Variants in PCDHGA2 observed in about 807,000 individuals in gnomAD.
The protein encoded by PCDHGA2 is protocadherin gamma subfamily A, 2.
In PCDHGA2, 40 loss-of-function variants were observed where a neutral mutation model predicts 59.2. The observed-to-expected ratio is 0.68, with a 90% confidence interval of 0.52 to 0.88. The LOEUF is 0.88. Ranked by LOEUF, PCDHGA2 falls within the 40% of genes least tolerant of loss-of-function variation. The probability of loss-of-function intolerance (pLI) is 0.00; values close to 1 mark genes in which losing one functional copy is unlikely to be tolerated. For missense variants in PCDHGA2, 1,226 were observed against 1,204.0 expected (o/e 1.02, Z -0.27); for synonymous variants, 560 against 526.0 (o/e 1.06, Z -0.89).
chr5:141,415,896 AC>A, intron 1 of PCDHGA2: 1 of 882,726 alleles, frequency 1.1e-6, no homozygotes, highest in East Asian at 3.3e-5. Flanking sequence ...AATTCCTAAG[AC>A]AGACTTCCAT....
In PCDHGA2 at chr5:141,491,722, C is replaced by T. The variant is rs1276921909; in HGVS notation, c.2425-3085C>T. ...CCAGGTGAGGGGCTCGGCGCCGCCC[C>T]GGGCGACCCCTGGGGGCGGCACTGG... On this transcript the variant is annotated intron_variant, in intron 1 of 3. Coordinates refer to ENST00000394576, the MANE Select transcript of PCDHGA2 (RefSeq NM_018915.4). This position sits in a 1 kb window ranked among gnomAD's most constrained non-coding sequence, Gnocchi z 6.9. The T allele has an allele frequency of 6.2e-7, 1 of 1,607,004 alleles. No homozygotes were observed.
intron 2 of PCDHGA2, among the ~76,000 whole-genome samples, chr5:141,498,004 G>C (rs1385457484): frequency 6.6e-6 from 1 of 152,316 alleles, no homozygotes; most frequent in African/African-American, 2.4e-5. Flanking sequence ...GGAGTTTACA[G>C]TGCACTGAAG....
chr5:141,344,277 G>A (rs749119321), intron 1 of PCDHGA2: 5 of 1,614,090 alleles, frequency 3.1e-6, no homozygotes, highest in Non-Finnish European at 3.4e-6. Flanking sequence ...TCCGCAAAGC[G>A]GCAGCTTGGT....
At chr5:141,462,540 TTTC>T (rs2099042260) in intron 1 of PCDHGA2, among the ~76,000 whole-genome samples, 1 of 152,204 alleles carries the variant, frequency 6.6e-6, no homozygotes, top group East Asian at 1.9e-4. Flanking sequence ...TCAGTGATCT[TTTC>T]TTCTTCAGTG....
chr5:141,361,631 G>C (rs534427524), intron 1 of PCDHGA2: 1 of 1,613,902 alleles, frequency 6.2e-7, no homozygotes, highest in Admixed American at 1.7e-5. Flanking sequence ...CTGAAGCCGC[G>C]GGAGATTTTA....
At chr5:141,505,028 G>A (rs2099842951) in intron 2 of PCDHGA2, among the ~76,000 whole-genome samples, 1 of 152,164 alleles carries the variant, frequency 6.6e-6, no homozygotes, top group Admixed American at 6.5e-5. Flanking sequence ...CTGGCACAGT[G>A]GCAGGTGCCT....
rs773484841 is a variant in PCDHGA2 at position 141,432,092 on chromosome 5, A to G, written c.2425-62715A>G. 4.3e-6 allele frequency: 7 copies of G among 1,614,104 alleles called. No individual in the cohort carries two copies. The East Asian group carries it at 1.6e-4, about 36-fold the overall frequency. On this transcript the variant is annotated intron_variant, in intron 1 of 3. Transcript: ENST00000394576. The surrounding 1 kb of genome is among the most constrained non-coding windows in gnomAD (Gnocchi z 6.0). Reference sequence around the variant, plus strand: ...TCATATCTCGCTGAACGTGGCAGACACCAACGACAACCCGCCGGTCTTCCC... The same window carrying G: ...TCATATCTCGCTGAACGTGGCAGACGCCAACGACAACCCGCCGGTCTTCCC...
chr5:141,364,528 C>A (rs1445482375), intron 1 of PCDHGA2: 2 of 1,613,930 alleles, frequency 1.2e-6, no homozygotes, highest in Non-Finnish European at 1.7e-6. Context: ...GAGTCCGCAT[C>A]GTCTCCAGAG....
At chr5:141,429,726 C>T (rs931967000) in intron 1 of PCDHGA2, among the ~76,000 whole-genome samples, 23 of 152,068 alleles carry the variant, frequency 1.5e-4, no homozygotes, top group Admixed American at 1.3e-4. Flanking sequence ...CATGAAAGTA[C>T]GTAGCCAGTT....
chr5:141,398,344 C>T (rs901692894), intron 1 of PCDHGA2: 2 of 1,372,186 alleles, frequency 1.5e-6, no homozygotes, highest in Non-Finnish European at 2.0e-6. Context: ...TTCGGAGAAG[C>T]CTTACTTCAC....
intron 1 of PCDHGA2, among the ~76,000 whole-genome samples, chr5:141,349,784 A>G (rs1309730202): frequency 2.0e-5 from 3 of 152,190 alleles, no homozygotes; most frequent in African/African-American, 7.2e-5. Flanking sequence ...TAGTGAAATC[A>G]CTGAAGATTT....
intron 2 of PCDHGA2, among the ~76,000 whole-genome samples, chr5:141,504,268 T>A (rs539485141): frequency 2.2e-4 from 34 of 152,348 alleles, no homozygotes; most frequent in Admixed American, 1.3e-3. Context: ...AGTATTTTTT[T>A]AAATTATGAA....
intron 1 of PCDHGA2, among the ~76,000 whole-genome samples, chr5:141,471,855 G>A (rs955016680): frequency 3.3e-5 from 5 of 152,108 alleles, no homozygotes; most frequent in Non-Finnish European, 7.4e-5. Context: ...TTCAGAAAAA[G>A]CAAAACTGTG....
chr5:141,340,275 A>C lies in PCDHGA2; in HGVS notation c.1304A>C (p.Asp435Ala). The C allele has an allele frequency of 1.2e-6, 2 of 1,614,144 alleles. No individual in the cohort carries two copies. Among genetic ancestry groups the C allele is most frequent in the African/African-American group, 2.7e-5 (2 of 75,048 alleles). ...KDGGNPSLST[D>A]AHILLQVADI... ...GGAGGGAACCCCTCCCTGTCCACGG[A>C]TGCTCACATTTTGCTCCAGGTGGCA... Residue 435 changes from aspartate to alanine, a missense_variant, in exon 1 of 4, where the codon GAT becomes GCT. By Grantham distance (126) the Asp-to-Ala change is moderately radical. Transcript: ENST00000394576.
chr5:141,361,684 C>T, intron 1 of PCDHGA2: 1 of 1,613,590 alleles, frequency 6.2e-7, no homozygotes, highest in Non-Finnish European at 8.5e-7. Context: ...GGTGTTCGCG[C>T]AGCGCGCCTT....
At chr5:141,375,275 G>A in intron 1 of PCDHGA2, 1 of 1,613,902 alleles carries the variant, frequency 6.2e-7, no homozygotes. Context: ...GGAAAAATCA[G>A]TTGGCAATTA....
At chr5:141,419,602 C>G (rs757423030) in intron 1 of PCDHGA2, 3 of 1,611,874 alleles carry the variant, frequency 1.9e-6, no homozygotes, top group African/African-American at 2.7e-5. Context: ...TGCCGCGGGC[C>G]GCGCAGCCAG....
At position 141,489,077 on chromosome 5, in the gene PCDHGA2, C is replaced by T. The variant is rs957205894; in HGVS notation, c.2425-5730C>T. 7 of 325,682 alleles carry T rather than the reference C, an allele frequency of 2.1e-5. 1 individual carries two copies. Among genetic ancestry groups the T allele is most frequent in the South Asian group, 1.5e-4 (3 of 20,214 alleles). 20.2% of individuals were successfully genotyped at this position (325,682 alleles called of 1,614,324 possible). The stretch of plus-strand genomic sequence containing the variant: ...AGCTCCCCTCCCCCCTGCCCACCCC[C>T]GCCACTCGGTGACTAAGAACTGCTG... On this transcript the variant is annotated intron_variant, in intron 1 of 3. Transcript: ENST00000394576. This position sits in a 1 kb window ranked among gnomAD's most constrained non-coding sequence, Gnocchi z 4.5.
chr5:141,358,546 G>T (rs1278401378), intron 1 of PCDHGA2, among the ~76,000 whole-genome samples: 1 of 152,144 alleles, frequency 6.6e-6, no homozygotes, highest in East Asian at 1.9e-4. Flanking sequence ...TCTTGTTGCT[G>T]TTCTGAGATG....
Sources: gnomAD v4.1 joint callset for allele counts (sites outside exome capture counted in the v4.1 genomes callset) on GRCh38, gnomAD v4.1.1 for gene constraint, Gnocchi (gnomAD v3.1) non-coding constraint, MANE v1.5 for transcripts, NCBI Gene and HGNC (gene_info 2026-07-23, HGNC 2026-07-21) for gene names.